SYT12: variants seen among roughly 807,000 people sequenced by gnomAD.
The protein encoded by SYT12 is synaptotagmin 12.
A neutral mutation model predicts 39.5 loss-of-function variants in SYT12; 27 were observed. The ratio of observed to expected loss-of-function variants is 0.68; its 90% CI spans 0.50 to 0.94. SYT12 has a LOEUF of 0.94. Ranked by LOEUF, SYT12 falls within the 40% of genes least tolerant of loss-of-function variation. The pLI is 0.00. For synonymous variants in SYT12, 233 were observed against 239.7 expected, an observed-to-expected ratio of 0.97 and a Z score of 0.26; for missense variants, 536 against 572.6, an observed-to-expected ratio of 0.94 and a Z score of 0.65.
chr11:67,017,806 A>G (rs1460223280), intron 3 of SYT12, among the ~76,000 whole-genome samples: 4 of 148,494 alleles, frequency 2.7e-5, no homozygotes, highest in Admixed American at 6.7e-5. Flanking sequence ...CTAAAAATAC[A>G]AAAATTAGCT....
rs745740882 is a variant in SYT12 at position 67,039,827 on chromosome 11, A to C, written c.245A>C (p.Asn82Thr). ...CACCCCTAGAGAGTGCCTGCCTGGAATGCCCAGCGGGCCAGCACGCGGGGA... is the reference window on the plus strand; with the variant it reads ...CACCCCTAGAGAGTGCCTGCCTGGACTGCCCAGCGGGCCAGCACGCGGGGA... Reference protein sequence around the residue: ...EAREKRVPAWNAQRASTRGPP... With the variant: ...EAREKRVPAWTAQRASTRGPP... The change falls in exon 4 of 8, where the codon AAT becomes ACT. Residue 82 changes from asparagine to threonine, a missense_variant. Coordinates refer to ENST00000527043, the MANE Select transcript of SYT12 (RefSeq NM_177963.4). The C allele has an allele frequency of 6.2e-7, 1 of 1,611,040 alleles. No homozygotes were observed.
At chr11:67,020,831 C>G (rs950954741), upstream of SYT12, among the ~76,000 whole-genome samples, 2 of 152,166 alleles carry the variant, frequency 1.3e-5, no homozygotes, top group African/African-American at 4.8e-5. Flanking sequence ...TGGGTTCAAG[C>G]GATTCTCCTG....
chr11:67,020,664 C>T (rs181670669), upstream of SYT12, among the ~76,000 whole-genome samples: 5 of 152,256 alleles, frequency 3.3e-5, no homozygotes, highest in Non-Finnish European at 7.4e-5. Flanking sequence ...TTTGAACCTC[C>T]TATAAATGCA....
At chr11:67,016,758 TC>T (rs937605170) in intron 3 of SYT12, among the ~76,000 whole-genome samples, 5 of 152,026 alleles carry the variant, frequency 3.3e-5, no homozygotes, top group African/African-American at 1.2e-4. Flanking sequence ...ATGCAGCCAT[TC>T]CCAAGAGGCC....
At chr11:67,045,540 C>T (rs762038857) in intron 6 of SYT12, 57 of 717,806 alleles carry the variant, frequency 7.9e-5, no homozygotes, top group Non-Finnish European at 1.2e-4. Flanking sequence ...AGCACAAAGC[C>T]CAGCCCTCAC....
chr11:67,015,760 A>G (rs903523003), intron 3 of SYT12, among the ~76,000 whole-genome samples: 1 of 152,184 alleles, frequency 6.6e-6, no homozygotes, highest in Non-Finnish European at 1.5e-5. Flanking sequence ...AAATCCCTTC[A>G]TATGGTAAAC....
intron 3 of SYT12, among the ~76,000 whole-genome samples, chr11:67,035,900 C>CTCCCTCCTTCCT (rs1363222514): frequency 5.4e-5 from 6 of 111,726 alleles, no homozygotes; most frequent in African/African-American, 2.4e-4. Context: ...CCCTCCCTCC[C>CTCCCTCCTTCCT]TCCTTCCTTC....
At chr11:67,014,187 G>A (rs1411395798) in intron 3 of SYT12, among the ~76,000 whole-genome samples, 2 of 152,132 alleles carry the variant, frequency 1.3e-5, no homozygotes, top group African/African-American at 2.4e-5. Context: ...GATGACATTC[G>A]CAAGTGCTAG....
In SYT12 at chr11:67,009,539, A is replaced by C. The variant is rs538239652; in HGVS notation, c.-484-340A>C. Among the ~76,000 whole-genome samples, 3 of 152,252 alleles carry C rather than the reference A, an allele frequency of 2.0e-5. No individual in the cohort carries two copies. In the South Asian group the frequency reaches 6.2e-4, roughly 32 times the overall value. On this transcript the variant is annotated intron_variant, in intron 1 of 10. Coordinates refer to the SYT12 transcript ENST00000393946. ...ACTCCTGGCCTAAAGTGATCCACCC[A>C]CCACAGCCTCCGAAAGTGCTGGGAT...
At chr11:67,048,290 CA>C (rs370287484) in intron 7 of SYT12, among the ~76,000 whole-genome samples, 37 of 148,402 alleles carry the variant, frequency 2.5e-4, no homozygotes, top group Admixed American at 9.4e-4. Context: ...AAAAAAGGAT[CA>C]GGGGGAATTG....
chr11:67,017,367 T>G (rs1033271204), intron 3 of SYT12, among the ~76,000 whole-genome samples: 2 of 151,476 alleles, frequency 1.3e-5, no homozygotes, highest in African/African-American at 2.4e-5. Context: ...ACAATTTTTT[T>G]TTTTTTTTTT....
chr11:67,038,475 A>T (rs1422475174), intron 3 of SYT12, among the ~76,000 whole-genome samples: 1 of 152,060 alleles, frequency 6.6e-6, no homozygotes, highest in East Asian at 1.9e-4. Context: ...AGGGAAAAAA[A>T]AATTAATATT....
At position 67,034,778 on chromosome 11, in the gene SYT12, T is replaced by A; in HGVS notation, c.168T>A (p.Asn56Lys). Residue 56 changes from asparagine (N) to lysine (K), a missense_variant, in exon 3 of 8, where the codon AAT becomes AAA. Coordinates refer to ENST00000527043, the MANE Select transcript of SYT12 (RefSeq NM_177963.4). ...GSFPSPSPFPNYDYRYLQQKY... is the reference protein window; with the variant it reads ...GSFPSPSPFPKYDYRYLQQKY... Reference sequence around the variant, plus strand: ...TCCCCAGCCCCTCTCCGTTCCCCAATTACGACTACAGGTACCTTCAGCAGA... The same window carrying A: ...TCCCCAGCCCCTCTCCGTTCCCCAAATACGACTACAGGTACCTTCAGCAGA... 6.2e-7 allele frequency: 1 copy of A among 1,601,306 alleles called. No homozygotes were observed.
rs1950358649 is a variant in SYT12 at position 67,035,800 on chromosome 11, TCCTTCCTTCCTTC to T, written c.228+964_228+976del. Among the ~76,000 whole-genome samples, 44 of 54,016 alleles carry T rather than the reference TCCTTCCTTCCTTC, an allele frequency of 8.1e-4. 1 individual carries two copies. The highest frequency in any genetic ancestry group is 3.0e-3 in the African/African-American group (39 of 13,178). The allele number at this position is 54,016 out of a possible 152,430, so 35.4% of individuals were successfully genotyped here. The stretch of plus-strand genomic sequence containing the variant: ...TTTTCTTTTCTTTTCTTTCCTTCCT[TCCTTCCTTCCTTC>T]CTTCCTTCCTTCCTTCCTTCCTTCC... On this transcript the variant is annotated intron_variant, in intron 3 of 7. Transcript: ENST00000527043.
intron 2 of SYT12, 73 bp from the exon 3 acceptor site, chr11:67,034,572 G>A: frequency 2.2e-6 from 3 of 1,384,898 alleles, no homozygotes; most frequent in Non-Finnish European, 2.9e-6. Context: ...CAATGTAGAA[G>A]TCGGTGCTGC....
chr11:67,012,757 T>C (rs1950022443), intron 3 of SYT12, among the ~76,000 whole-genome samples: 1 of 152,204 alleles, frequency 6.6e-6, no homozygotes, highest in African/African-American at 2.4e-5. Context: ...GGTTATTAAC[T>C]ACATTTTGCA....
intron 1 of SYT12, among the ~76,000 whole-genome samples, chr11:67,024,402 T>G (rs73493506): frequency 5.8e-4 from 89 of 152,298 alleles, no homozygotes; most frequent in African/African-American, 2.0e-3. Flanking sequence ...GCCTCCCTAC[T>G]CTGAAGTCTG....
upstream of SYT12, among the ~76,000 whole-genome samples, chr11:67,019,328 C>T (rs578080033): frequency 2.0e-5 from 3 of 152,006 alleles, no homozygotes; most frequent in Admixed American, 2.0e-4. Context: ...CAAAATTAGC[C>T]GGGCGTGTTG....
intron 3 of SYT12, 71 bp from the exon 4 acceptor site, chr11:67,039,740 T>C (rs1950462433): frequency 3.9e-6 from 6 of 1,521,626 alleles, no homozygotes; most frequent in Admixed American, 1.9e-5. Flanking sequence ...CTTACTCATC[T>C]CTTTGCCGTC....
Sources: gnomAD v4.1 joint callset for allele counts (sites outside exome capture counted in the v4.1 genomes callset) on GRCh38, gnomAD v4.1.1 for gene constraint, MANE v1.5 for transcripts, NCBI Gene and HGNC (gene_info 2026-07-23, HGNC 2026-07-21) for gene names.